AUTS2: variants seen among roughly 807,000 people sequenced by gnomAD.
AUTS2 encodes the protein activator of transcription and developmental regulator AUTS2.
Under a neutral mutation model 112.4 loss-of-function variants are expected in AUTS2, and 17 were observed. The observed-to-expected ratio is 0.15, with a 90% confidence interval of 0.10 to 0.23. The LOEUF is 0.23. Among genes scored for constraint, AUTS2 ranks in the 10% least tolerant of loss-of-function variants. AUTS2 has a pLI of 1.00. For synonymous variants in AUTS2, 751 were observed against 702.7 expected (o/e 1.07, Z -1.09); for missense variants, 1,510 against 1,701.6 (o/e 0.89, Z 1.98).
chr7:69,982,568 G>A (rs1798340469), intron 2 of AUTS2, among the ~76,000 whole-genome samples: 1 of 152,224 alleles, frequency 6.6e-6, no homozygotes, highest in African/African-American at 2.4e-5. Context: ...AGGCATGCCT[G>A]CTAGTGGGAG....
In AUTS2 at chr7:69,876,523, TA is replaced by T. The variant is rs1562944210; in HGVS notation, c.310-22762del. Among the ~76,000 whole-genome samples the T allele has an allele frequency of 3.3e-4, 20 of 60,780 alleles. 2 individuals carry two copies. In the South Asian group the frequency reaches 8.9e-3, roughly 27 times the overall value. 39.9% of individuals were successfully genotyped at this position (60,780 alleles called of 152,430 possible). On this transcript the variant is annotated intron_variant, in intron 1 of 18. Coordinates refer to ENST00000342771, the MANE Select transcript of AUTS2 (RefSeq NM_015570.4). ...ATATATATATATATATATATATATATATATATATATATATATATATATTTTC... is the reference window on the plus strand; with the variant it reads ...ATATATATATATATATATATATATATTATATATATATATATATATATTTTC...
intron 1 of AUTS2, among the ~76,000 whole-genome samples, chr7:69,617,947 A>G (rs533492978): frequency 2.0e-5 from 3 of 152,260 alleles, no homozygotes; most frequent in South Asian, 4.1e-4. Flanking sequence ...ACAATGGCTC[A>G]TGTTTATCAC....
intron 1 of AUTS2, among the ~76,000 whole-genome samples, chr7:69,748,606 A>C (rs1787609435): frequency 6.6e-6 from 1 of 152,208 alleles, no homozygotes; most frequent in African/African-American, 2.4e-5. Context: ...GAAGATGTAC[A>C]GACAATTATA....
chr7:70,614,452 G>T (rs571900231), intron 5 of AUTS2, among the ~76,000 whole-genome samples: 1 of 152,166 alleles, frequency 6.6e-6, no homozygotes, highest in African/African-American at 2.4e-5. Context: ...TGGACTCTAG[G>T]GATGCTCACG....
intron 1 of AUTS2, among the ~76,000 whole-genome samples, chr7:69,772,680 T>C (rs1429631007): frequency 6.6e-6 from 1 of 152,196 alleles, no homozygotes; most frequent in African/African-American, 2.4e-5. Flanking sequence ...GTGATCCTCA[T>C]GCCTTGGCCT....
chr7:69,725,789 T>A lies in AUTS2; in HGVS notation c.309+125827T>A, dbSNP rs537745988. ...ATTTCAGCATCTCCTGAAATAGATG[T>A]GTACTGTGATGTACAAGTTCCAGGA... is the stretch of plus-strand genomic sequence containing the variant. On this transcript the variant is annotated intron_variant, in intron 1 of 18. Coordinates refer to ENST00000342771, the MANE Select transcript of AUTS2 (RefSeq NM_015570.4). Among the ~76,000 whole-genome samples, 75 of 152,314 alleles carry A rather than the reference T, an allele frequency of 4.9e-4. No individual in the cohort carries two copies. The Middle Eastern group carries it at 0.01, about 21-fold the overall frequency.
chr7:69,900,513 T>G (rs1266951232), intron 2 of AUTS2, among the ~76,000 whole-genome samples: 1 of 152,252 alleles, frequency 6.6e-6, no homozygotes, highest in Admixed American at 6.5e-5. Context: ...CCTAAATTTC[T>G]GGCCCCTCTT....
intron 2 of AUTS2, among the ~76,000 whole-genome samples, chr7:70,113,401 G>T (rs1486458979): frequency 6.6e-6 from 1 of 152,032 alleles, no homozygotes; most frequent in Non-Finnish European, 1.5e-5. Flanking sequence ...TCCCAATTTG[G>T]GGACAATTTT....
chr7:69,691,442 C>T (rs1449403441), intron 1 of AUTS2, among the ~76,000 whole-genome samples: 5 of 152,200 alleles, frequency 3.3e-5, no homozygotes, highest in Non-Finnish European at 7.3e-5. Flanking sequence ...CCACTTCCCT[C>T]CTGCACCTGT....
At chr7:69,949,343 T>C (rs1004582583) in intron 2 of AUTS2, among the ~76,000 whole-genome samples, 3 of 152,194 alleles carry the variant, frequency 2.0e-5, no homozygotes, top group African/African-American at 7.2e-5. Flanking sequence ...TCAGTTACTG[T>C]GTTAAATGTT....
At chr7:70,679,313 C>G (rs1375338792) in intron 5 of AUTS2, among the ~76,000 whole-genome samples, 1 of 152,136 alleles carries the variant, frequency 6.6e-6, no homozygotes, top group Non-Finnish European at 1.5e-5. Flanking sequence ...AACGTTGTGG[C>G]CCATCCAAGG....
intron 5 of AUTS2, among the ~76,000 whole-genome samples, chr7:70,505,714 C>T (rs1226714966): frequency 6.6e-6 from 1 of 152,160 alleles, no homozygotes; most frequent in Non-Finnish European, 1.5e-5. Context: ...GAGCAGGCCA[C>T]CTCAGACAGA....
intron 5 of AUTS2, among the ~76,000 whole-genome samples, chr7:70,681,159 CCATCCCAT>C (rs911679559): frequency 6.6e-6 from 1 of 152,170 alleles, no homozygotes; most frequent in Non-Finnish European, 1.5e-5. Context: ...CAGCACAGGC[CCATCCCAT>C]CTCTCACCCG....
At position 69,704,316 on chromosome 7, in the gene AUTS2, C is replaced by T. The variant is rs376016553; in HGVS notation, c.309+104354C>T. On this transcript the variant is annotated intron_variant, in intron 1 of 18. Transcript: ENST00000342771. Reference sequence around the variant, plus strand: ...TTTTTGAGACGGAGTCTCACTCTGTCGCCCAGGCTGGAGTGCGGTGGTGCG... The same window carrying T: ...TTTTTGAGACGGAGTCTCACTCTGTTGCCCAGGCTGGAGTGCGGTGGTGCG... 1.3e-4 allele frequency among the ~76,000 whole-genome samples: 20 copies of T among 151,544 alleles called. No individual in the cohort carries two copies. The East Asian group carries it at 1.9e-3, about 15-fold the overall frequency.
chr7:70,735,702 G>A (rs575192592), intron 6 of AUTS2, among the ~76,000 whole-genome samples: 16 of 152,162 alleles, frequency 1.1e-4, no homozygotes, highest in African/African-American at 1.7e-4. Flanking sequence ...GGAGGATAGA[G>A]TGCCCAGGAG....
chr7:70,071,788 T>C (rs1443581758), intron 2 of AUTS2, among the ~76,000 whole-genome samples: 1 of 152,228 alleles, frequency 6.6e-6, no homozygotes, highest in Non-Finnish European at 1.5e-5. Flanking sequence ...GAAATTTAGC[T>C]AGAGGCGTTT....
intron 4 of AUTS2, among the ~76,000 whole-genome samples, chr7:70,224,410 C>A (rs62455160): frequency 6.4e-5 from 9 of 140,774 alleles, no homozygotes; most frequent in African/African-American, 2.4e-4. Flanking sequence ...AATATAATAC[C>A]ATACAATACA....
intron 5 of AUTS2, among the ~76,000 whole-genome samples, chr7:70,635,775 A>G (rs1261022607): frequency 1.3e-5 from 2 of 152,216 alleles, no homozygotes; most frequent in African/African-American, 4.8e-5. Flanking sequence ...TAAGGACTGC[A>G]GGACCTGTGC....
chr7:69,692,420 G>A (rs1797387246), intron 1 of AUTS2, among the ~76,000 whole-genome samples: 1 of 152,182 alleles, frequency 6.6e-6, no homozygotes, highest in Non-Finnish European at 1.5e-5. Context: ...GTACTTACGT[G>A]TGTGATGATT....
Sources: gnomAD v4.1 joint callset for allele counts (sites outside exome capture counted in the v4.1 genomes callset) on GRCh38, gnomAD v4.1.1 for gene constraint, MANE v1.5 for transcripts, NCBI Gene and HGNC (gene_info 2026-07-23, HGNC 2026-07-21) for gene names.